Variants in COL6A5 observed in about 807,000 individuals in gnomAD.
The protein encoded by COL6A5 is collagen type VI alpha 5 chain.
COL6A5 carries 48 observed loss-of-function variants against 65.6 expected under a neutral mutation model. The observed-to-expected ratio is 0.73, with a 90% confidence interval of 0.58 to 0.93. The LOEUF is 0.93. Among genes scored for constraint, COL6A5 ranks in the 40% least tolerant of loss-of-function variants. The pLI is 0.00. For synonymous variants in COL6A5, 291 were observed against 322.8 expected, an observed-to-expected ratio of 0.90 and a Z score of 1.05; for missense variants, 914 against 928.3, an observed-to-expected ratio of 0.98 and a Z score of 0.20.
intron 1 of COL6A5, among the ~76,000 whole-genome samples, chr3:130,371,166 G>A (rs1935539678): frequency 6.6e-6 from 1 of 152,116 alleles, no homozygotes; most frequent in Non-Finnish European, 1.5e-5. Flanking sequence ...TATGAAATAA[G>A]GAGATCTAAA....
chr3:130,413,512 C>A, intron 20 of COL6A5, 33 bp from the exon 21 acceptor site: 1 of 1,541,818 alleles, frequency 6.5e-7, no homozygotes, highest in South Asian at 1.2e-5. Flanking sequence ...ATTCAGACAT[C>A]CACATACTAA....
At chr3:130,431,944 T>A in exon 1 of COL6A5, 2 of 1,548,588 alleles carry the variant, frequency 1.3e-6, no homozygotes, top group Non-Finnish European at 1.7e-6. Flanking sequence ...CCTTGAAGCT[T>A]TTGGGGTAAG....
intron 1 of COL6A5, among the ~76,000 whole-genome samples, chr3:130,433,578 C>G (rs1178983647): frequency 6.6e-6 from 1 of 152,116 alleles, no homozygotes; most frequent in Non-Finnish European, 1.5e-5. Context: ...CTCTTCTCCA[C>G]TCAGGACATC....
chr3:130,405,557 T>A, intron 13 of COL6A5, 31 bp from the exon 14 acceptor site: 1 of 1,525,566 alleles, frequency 6.6e-7, no homozygotes, highest in Non-Finnish European at 8.9e-7. Flanking sequence ...AAAACATCAC[T>A]TTGGGTACCT....
chr3:130,363,282 A>G (rs1935208128), intron 1 of COL6A5, among the ~76,000 whole-genome samples: 1 of 152,248 alleles, frequency 6.6e-6, no homozygotes, highest in Non-Finnish European at 1.5e-5. Flanking sequence ...TTATAATAAC[A>G]AAATAATTCA....
chr3:130,432,729 T>C (rs2092321624), intron 1 of COL6A5, among the ~76,000 whole-genome samples: 1 of 152,130 alleles, frequency 6.6e-6, no homozygotes, highest in East Asian at 1.9e-4. Flanking sequence ...CTGCTTGCTG[T>C]TGCTCACAGA....
intron 4 of COL6A5, among the ~76,000 whole-genome samples, chr3:130,453,590 G>A (rs1045562238): frequency 1.3e-5 from 2 of 152,182 alleles, no homozygotes; most frequent in Non-Finnish European, 2.9e-5. Flanking sequence ...AGTGTTCCTT[G>A]ATATTGTATC....
At chr3:130,456,920 T>C (rs1008429643) in intron 5 of COL6A5, among the ~76,000 whole-genome samples, 1 of 152,056 alleles carries the variant, frequency 6.6e-6, no homozygotes, top group African/African-American at 2.4e-5. Context: ...AACTTACCTT[T>C]GTAGAAGCTA....
At chr3:130,385,775 G>A (rs940458381) in intron 5 of COL6A5, among the ~76,000 whole-genome samples, 2 of 152,014 alleles carry the variant, frequency 1.3e-5, no homozygotes, top group African/African-American at 4.8e-5. Flanking sequence ...TTTGGCTCTA[G>A]ATAGCTTAGG....
At chr3:130,351,003 AC>A (rs1249231034) in intron 1 of COL6A5, among the ~76,000 whole-genome samples, 1 of 152,200 alleles carries the variant, frequency 6.6e-6, no homozygotes, top group African/African-American at 2.4e-5. Context: ...CTCAGAAATA[AC>A]ACCACACATC....
intron 1 of COL6A5, among the ~76,000 whole-genome samples, chr3:130,437,443 G>A (rs1435881787): frequency 6.6e-6 from 1 of 151,920 alleles, no homozygotes; most frequent in Non-Finnish European, 1.5e-5. Context: ...TTCCTTAGTG[G>A]CCTTGCATTC....
chr3:130,397,083 G>A lies in COL6A5; in HGVS notation c.3569-500G>A, dbSNP rs139797826. Among the ~76,000 whole-genome samples the A allele has an allele frequency of 7.3e-3, 1,107 of 152,178 alleles. 4 individuals are homozygous for A. The highest frequency in any genetic ancestry group is 0.018 in the East Asian group (91 of 5,162). On this transcript the variant is annotated intron_variant and NMD_transcript_variant, in intron 8 of 41. Transcript: ENST00000312481. The stretch of plus-strand genomic sequence containing the variant: ...GGGGTTTCACCGTGTTAGCCAGGAT[G>A]GTCTCGATCTCCTGACCTCATGATC...
chr3:130,481,272 A>G (rs75539219), intron 7 of COL6A5, among the ~76,000 whole-genome samples: 10,283 of 137,064 alleles, frequency 0.075, 440 homozygotes, highest in Middle Eastern at 0.14. Flanking sequence ...GTTCAGCTCC[A>G]ACTTATGAGT....
chr3:130,349,145 G>A (rs931607173), intron 1 of COL6A5, among the ~76,000 whole-genome samples: 11 of 152,152 alleles, frequency 7.2e-5, no homozygotes, highest in Admixed American at 5.2e-4. Context: ...CCAATGTAAC[G>A]TTCCACATTA....
intron 7 of COL6A5, chr3:130,471,867 A>G (rs1304119003): frequency 6.8e-7 from 1 of 1,469,176 alleles, no homozygotes; most frequent in East Asian, 2.5e-5. Context: ...AAAGACAAGG[A>G]AAAAGCACAT....
intron 10 of COL6A5, 27 bp downstream of exon 10, chr3:130,398,138 T>TG (rs1936680887): frequency 6.8e-7 from 1 of 1,468,028 alleles, no homozygotes; most frequent in East Asian, 2.5e-5. Context: ...GTTTTTTTTT[T>TG]TTTTTTTTTT....
At chr3:130,373,514 C>A in intron 1 of COL6A5, 97 bp from the exon 2 acceptor site, 1 of 628,622 alleles carries the variant, frequency 1.6e-6, no homozygotes, top group Non-Finnish European at 2.9e-6. Context: ...TTGACAAATA[C>A]TTGTTTACAG....
intron 4 of COL6A5, among the ~76,000 whole-genome samples, 175 bp downstream of exon 4, chr3:130,380,225 A>G (rs1263903225): frequency 3.3e-5 from 5 of 152,130 alleles, no homozygotes; most frequent in Non-Finnish European, 7.4e-5. Flanking sequence ...GCCAAAAATC[A>G]TTGAACAATA....
chr3:130,449,315 G>A (rs941906449), intron 4 of COL6A5, among the ~76,000 whole-genome samples: 2 of 152,098 alleles, frequency 1.3e-5, no homozygotes, highest in African/African-American at 4.8e-5. Flanking sequence ...ACCGAGTCCA[G>A]GAACAAACCC....
Sources: allele counts gnomAD v4.1 joint callset (sites outside exome capture counted in the v4.1 genomes callset), GRCh38; gene constraint gnomAD v4.1.1; transcripts MANE v1.5; gene names NCBI Gene and HGNC (gene_info 2026-07-23, HGNC 2026-07-21).